The following ATP9B variants were observed in gnomAD, a reference collection of about 807,000 sequenced individuals.
ATP9B encodes ATPase phospholipid transporting 9B, also known as probable phospholipid-transporting ATPase IIB.
ATP9B carries 110 observed loss-of-function variants against 146.1 expected under a neutral mutation model. The ratio of observed to expected loss-of-function variants is 0.75; its 90% CI spans 0.65 to 0.88. The LOEUF is 0.88. Ranked by LOEUF, ATP9B falls within the 40% of genes least tolerant of loss-of-function variation. ATP9B has a pLI of 0.00. For synonymous variants in ATP9B, 604 were observed against 569.7 expected, an observed-to-expected ratio of 1.06 and a Z score of -0.86; for missense variants, 1,499 against 1,496.4, an observed-to-expected ratio of 1.00 and a Z score of -0.03.
intron 5 of ATP9B, among the ~76,000 whole-genome samples, chr18:79,130,519 A>G (rs909623743): frequency 6.6e-6 from 1 of 151,974 alleles, no homozygotes; most frequent in African/African-American, 2.4e-5. Flanking sequence ...GGAGAGAGAG[A>G]GAGGACAGAG....
chr18:79,337,178 C>A, intron 18 of ATP9B, 101 bp from the exon 19 acceptor site: 1 of 1,428,406 alleles, frequency 7.0e-7, no homozygotes, highest in Non-Finnish European at 9.6e-7. Context: ...TGCACATAGT[C>A]ACCTCCCCCT....
Position 79,342,316 on chromosome 18 carries a change from A to G in ATP9B, c.2332A>G (p.Lys778Glu). 3 of 1,613,728 alleles carry G rather than the reference A, an allele frequency of 1.9e-6. No individual in the cohort carries two copies. Among genetic ancestry groups the G allele is most frequent in the Non-Finnish European group, 1.7e-6 (2 of 1,179,726 alleles). The change falls in exon 20 of 30, where the codon AAA becomes GAA. Residue 778 changes from lysine to glutamate, a missense_variant. Transcript: ENST00000426216. ...ACTCGAGACAGCTACCTGCATTGCC[A>G]AAAGTTCACATCTCGTGTCTAGAAC... ...DKLETATCIA[K>E]SSHLVSRTQD...
intron 15 of ATP9B, among the ~76,000 whole-genome samples, chr18:79,312,078 G>A (rs1437672319): frequency 9.9e-5 from 15 of 152,144 alleles, no homozygotes; most frequent in South Asian, 2.1e-4. Flanking sequence ...CATGCACAGC[G>A]TTGAGACCGG....
chr18:79,282,820 G>T (rs2096392672), intron 13 of ATP9B, among the ~76,000 whole-genome samples: 1 of 152,144 alleles, frequency 6.6e-6, no homozygotes, highest in African/African-American at 2.4e-5. Flanking sequence ...TCAAATCTGG[G>T]ATTGAGTCTT....
chr18:79,111,803 A>G (rs1362053936), intron 3 of ATP9B, among the ~76,000 whole-genome samples: 2 of 152,146 alleles, frequency 1.3e-5, no homozygotes, highest in East Asian at 3.9e-4. Context: ...GATGATTACC[A>G]TGTGTATGAG....
At chr18:79,199,380 A>C (rs2095444720) in intron 9 of ATP9B, among the ~76,000 whole-genome samples, 1 of 152,192 alleles carries the variant, frequency 6.6e-6, no homozygotes, top group African/African-American at 2.4e-5. Context: ...CACATTGTAC[A>C]CCTGTACAAA....
chr18:79,137,647 C>G (rs756391227), intron 5 of ATP9B, among the ~76,000 whole-genome samples: 3 of 152,208 alleles, frequency 2.0e-5, no homozygotes, highest in Non-Finnish European at 4.4e-5. Context: ...TTTTTCTCAG[C>G]ATGCAGGCAT....
At chr18:79,184,016 T>C (rs900478658) in intron 8 of ATP9B, among the ~76,000 whole-genome samples, 14 of 152,320 alleles carry the variant, frequency 9.2e-5, no homozygotes, top group African/African-American at 3.4e-4. Flanking sequence ...CCTTATAATA[T>C]CTTCGCTATG....
intron 8 of ATP9B, among the ~76,000 whole-genome samples, chr18:79,187,666 C>T (rs1045188796): frequency 2.0e-5 from 3 of 152,160 alleles, no homozygotes; most frequent in African/African-American, 4.8e-5. Flanking sequence ...GTGCACAAAA[C>T]CATTCCAGCA....
intron 8 of ATP9B, among the ~76,000 whole-genome samples, chr18:79,186,363 T>C (rs1364293884): frequency 6.6e-6 from 1 of 152,176 alleles, no homozygotes; most frequent in Non-Finnish European, 1.5e-5. Flanking sequence ...ATTTTTAAAT[T>C]ATCGTGAAAA....
At chr18:79,278,711 A>T (rs1385961765) in intron 13 of ATP9B, among the ~76,000 whole-genome samples, 2 of 152,148 alleles carry the variant, frequency 1.3e-5, no homozygotes, top group Admixed American at 1.3e-4. Context: ...GAACTTGGCC[A>T]AGAGAGCAAT....
chr18:79,306,875 A>G (rs952173836), intron 14 of ATP9B, 111 bp from the exon 15 acceptor site: 6 of 1,240,416 alleles, frequency 4.8e-6, no homozygotes, highest in Non-Finnish European at 6.7e-6. Flanking sequence ...AAATCAGGCT[A>G]CTTATTTCTA....
chr18:79,189,609 G>A (rs2095343447), intron 8 of ATP9B, among the ~76,000 whole-genome samples: 1 of 152,200 alleles, frequency 6.6e-6, no homozygotes, highest in Non-Finnish European at 1.5e-5. Flanking sequence ...AATAAGGTAA[G>A]CTAGAGAAAA....
intron 8 of ATP9B, among the ~76,000 whole-genome samples, chr18:79,181,727 G>A (rs540620184): frequency 1.1e-4 from 16 of 152,158 alleles, no homozygotes; most frequent in African/African-American, 2.4e-4. Flanking sequence ...TATTCTGAGT[G>A]TTGTAATCTC....
intron 16 of ATP9B, 61 bp downstream of exon 16, chr18:79,329,363 A>G: frequency 1.4e-6 from 2 of 1,442,820 alleles, no homozygotes; most frequent in Non-Finnish European, 1.8e-6. Context: ...ACACCTTTTA[A>G]ACACAGATTT....
intron 7 of ATP9B, among the ~76,000 whole-genome samples, chr18:79,171,421 T>A (rs1396645278): frequency 6.6e-6 from 1 of 152,210 alleles, no homozygotes; most frequent in African/African-American, 2.4e-5. Flanking sequence ...GCAACCTAAA[T>A]TGAGAGCTTT....
At chr18:79,111,894 A>G (rs527298332) in intron 3 of ATP9B, among the ~76,000 whole-genome samples, 1 of 152,160 alleles carries the variant, frequency 6.6e-6, no homozygotes, top group Non-Finnish European at 1.5e-5. Flanking sequence ...ATTACCCAGT[A>G]GGAGTTCTAT....
At chr18:79,315,654 A>G (rs2096675270) in intron 15 of ATP9B, among the ~76,000 whole-genome samples, 1 of 152,220 alleles carries the variant, frequency 6.6e-6, no homozygotes, top group Non-Finnish European at 1.5e-5. Context: ...TTTCTGAATA[A>G]TGGAATTATA....
rs116098695 is a variant in ATP9B at position 79,127,750 on chromosome 18, G to T, written c.667+1375G>T. Among the ~76,000 whole-genome samples the T allele has an allele frequency of 2.3e-3, 351 of 152,146 alleles. 5 individuals carry two copies. The highest frequency in any genetic ancestry group is 8.0e-3 in the African/African-American group (332 of 41,512). On this transcript the variant is annotated intron_variant, in intron 5 of 29. Transcript: ENST00000426216. Reference sequence around the variant, plus strand: ...TAGGAGTGAGATTGCTGGATTATTTGGTAACTCTATGATTAGCATTTTAAA... The same window carrying T: ...TAGGAGTGAGATTGCTGGATTATTTTGTAACTCTATGATTAGCATTTTAAA...
Sources: gnomAD v4.1 joint callset for allele counts (sites outside exome capture counted in the v4.1 genomes callset) on GRCh38, gnomAD v4.1.1 for gene constraint, MANE v1.5 for transcripts, NCBI Gene and HGNC (gene_info 2026-07-23, HGNC 2026-07-21) for gene names.